Variants in PTPRA observed in about 807,000 individuals in gnomAD.
PTPRA encodes receptor-type tyrosine-protein phosphatase alpha.
In PTPRA, 25 loss-of-function variants were observed where a neutral mutation model predicts 104.8. The ratio of observed to expected loss-of-function variants is 0.24; its 90% CI spans 0.17 to 0.33. The LOEUF (loss-of-function observed/expected upper bound fraction) is 0.33. Among genes scored for constraint, PTPRA ranks in the 10% least tolerant of loss-of-function variants. The pLI is 1.00. For missense variants in PTPRA, 765 were observed against 1,015.3 expected (o/e 0.75, Z 3.35); for synonymous variants, 323 against 368.9 (o/e 0.88, Z 1.43).
chr20:2,945,585 GTGTGT>G (rs2061096213), intron 2 of PTPRA, among the ~76,000 whole-genome samples: 2 of 21,596 alleles, frequency 9.3e-5, no homozygotes, highest in Non-Finnish European at 1.3e-4. Context: ...ATTGGCAGGT[GTGTGT>G]GTGTGTGTGT....
At chr20:2,905,252 C>A (rs888054976) in intron 1 of PTPRA, among the ~76,000 whole-genome samples, 1 of 152,118 alleles carries the variant, frequency 6.6e-6, no homozygotes, top group Non-Finnish European at 1.5e-5. Context: ...CAAAACTGGT[C>A]CCTGGGTGCC....
intron 9 of PTPRA, among the ~76,000 whole-genome samples, chr20:2,998,363 A>T (rs1196178171): frequency 1.3e-5 from 2 of 152,032 alleles, no homozygotes; most frequent in Admixed American, 1.3e-4. Context: ...TAGTGATGGG[A>T]CTGAGTGTGG....
chr20:2,915,025 A>T (rs2059850516), intron 1 of PTPRA, among the ~76,000 whole-genome samples: 1 of 151,324 alleles, frequency 6.6e-6, no homozygotes, highest in East Asian at 1.9e-4. Flanking sequence ...TTTACTTAGC[A>T]TGTGTTTTCA....
intron 5 of PTPRA, among the ~76,000 whole-genome samples, chr20:2,974,574 C>CCACCA (rs975645013): frequency 4.0e-5 from 6 of 151,754 alleles, no homozygotes; most frequent in African/African-American, 1.5e-4. Context: ...TTATAGGCAC[C>CCACCA]CACCACCACG....
At chr20:2,928,546 ATAGAAAG>A (rs2060391429) in intron 2 of PTPRA, among the ~76,000 whole-genome samples, 1 of 152,202 alleles carries the variant, frequency 6.6e-6, no homozygotes, top group South Asian at 2.1e-4. Flanking sequence ...TTCATGAGAA[ATAGAAAG>A]TTTCATATAG....
chr20:3,032,813 G>A (rs1056827922), intron 20 of PTPRA, among the ~76,000 whole-genome samples: 5 of 149,550 alleles, frequency 3.3e-5, no homozygotes, highest in African/African-American at 4.9e-5. Context: ...TTCTCTGTTC[G>A]CTCTGTTCCT....
In PTPRA at chr20:2,986,818, G is replaced by A. The variant is rs139490447; in HGVS notation, c.496G>A (p.Val166Met). The A allele has an allele frequency of 1.1e-4, 171 of 1,612,662 alleles. No homozygotes were observed. Among genetic ancestry groups the A allele is most frequent in the Non-Finnish European group, 1.2e-4 (145 of 1,178,806 alleles). The change falls in exon 7 of 24, where the codon GTG becomes ATG. Residue 166 changes from valine (V) to methionine (M), a missense_variant. Around this residue, in one of 4 missense-constraint regions of PTPRA, gnomAD observed 256 missense variants for 248.9 expected, o/e 1.03. Transcript: ENST00000399903. ...MVALSSLLVI[V>M]FIIIVLYMLR... is the part of the protein sequence containing the mutation. The stretch of plus-strand genomic sequence containing the variant: ...GGCCCTGTCCTCTCTGCTAGTGATC[G>A]TGTTTATTATCATAGTTTTGTACAT...
chr20:2,925,873 G>A lies in PTPRA; in HGVS notation c.-50+2588G>A, dbSNP rs573674558. 3.3e-5 allele frequency among the ~76,000 whole-genome samples: 5 copies of A among 152,064 alleles called. No individual in the cohort carries two copies. In the East Asian group the frequency reaches 9.7e-4, roughly 29 times the overall value. ...CATGGATGTACAAACATCTGTTCGA[G>A]TCCCTGCTTTTAGTTCTTTTGAGTA... On this transcript the variant is annotated intron_variant, in intron 2 of 23. Coordinates refer to ENST00000399903, the MANE Select transcript of PTPRA (RefSeq NM_001385305.1).
chr20:3,014,633 G>C (rs904065867), intron 11 of PTPRA, among the ~76,000 whole-genome samples: 1 of 150,746 alleles, frequency 6.6e-6, no homozygotes, highest in Non-Finnish European at 1.5e-5. Context: ...GACAGAGCAA[G>C]ACTCCGTCTC....
At chr20:2,941,279 C>T (rs989048207) in intron 2 of PTPRA, among the ~76,000 whole-genome samples, 3 of 152,288 alleles carry the variant, frequency 2.0e-5, no homozygotes, top group African/African-American at 7.2e-5. Flanking sequence ...GATCTGCCCT[C>T]CTTGGCCTCC....
intron 12 of PTPRA, among the ~76,000 whole-genome samples, chr20:3,016,361 T>C (rs1210040550): frequency 6.6e-6 from 1 of 152,214 alleles, no homozygotes; most frequent in African/African-American, 2.4e-5. Context: ...CCATGTCCTT[T>C]ATGTGTTCTA....
At chr20:3,032,549 C>CTT (rs1254401393) in intron 20 of PTPRA, among the ~76,000 whole-genome samples, 1 of 151,934 alleles carries the variant, frequency 6.6e-6, no homozygotes, top group Non-Finnish European at 1.5e-5. Context: ...GGGCGGATCA[C>CTT]AAAGTCAGGA....
At chr20:2,987,895 A>G (rs2062973983) in intron 7 of PTPRA, 137 bp from the exon 8 acceptor site, 3 of 837,592 alleles carry the variant, frequency 3.6e-6, no homozygotes, top group Admixed American at 1.7e-5. Flanking sequence ...CAGGGTGTGC[A>G]TGACCTGTCT....
intron 1 of PTPRA, among the ~76,000 whole-genome samples, chr20:2,910,589 G>GTTTTTTT (rs1423909050): frequency 1.7e-5 from 1 of 57,980 alleles, no homozygotes; most frequent in Non-Finnish European, 2.9e-5. Context: ...TTTTTTTTTT[G>GTTTTTTT]TTTTTTTTTT....
intron 20 of PTPRA, among the ~76,000 whole-genome samples, chr20:3,028,803 C>T (rs112851859): frequency 0.02 from 3,014 of 152,118 alleles, 33 homozygotes; most frequent in Non-Finnish European, 0.03. Context: ...TGACAACATC[C>T]CATTTGTGTT....
chr20:2,905,025 G>A (rs961105661), intron 1 of PTPRA, among the ~76,000 whole-genome samples: 18 of 152,294 alleles, frequency 1.2e-4, no homozygotes, highest in African/African-American at 4.3e-4. Flanking sequence ...CTTTAGGCCA[G>A]GGAACATTAC....
the PTPRA span, chr20:2,864,552 T>C: frequency 6.2e-7 from 1 of 1,614,152 alleles, no homozygotes; most frequent in Non-Finnish European, 8.5e-7. The surrounding 1 kb of genome is among the most constrained non-coding windows in gnomAD (Gnocchi z 5.2). Flanking sequence ...CCCAGTTCTG[T>C]AAGCATCAGG....
chr20:3,020,458 A>C (rs1324360560), intron 13 of PTPRA, among the ~76,000 whole-genome samples: 1 of 151,994 alleles, frequency 6.6e-6, no homozygotes, highest in Non-Finnish European at 1.5e-5. Flanking sequence ...TTTCTGCCCC[A>C]CCTGCTGAGG....
intron 9 of PTPRA, among the ~76,000 whole-genome samples, chr20:3,001,277 C>T (rs1276140357): frequency 4.6e-5 from 7 of 152,224 alleles, no homozygotes; most frequent in Non-Finnish European, 8.8e-5. Flanking sequence ...TTCTCCAGGG[C>T]AAGCCCTTTC....
Sources: allele counts gnomAD v4.1 joint callset (sites outside exome capture counted in the v4.1 genomes callset), GRCh38; gene constraint gnomAD v4.1.1; regional missense constraint gnomAD v4.1.1; non-coding constraint Gnocchi (gnomAD v3.1); transcripts MANE v1.5; gene names NCBI Gene and HGNC (gene_info 2026-07-23, HGNC 2026-07-21).